CYFIP2: variants seen among roughly 807,000 people sequenced by gnomAD.
CYFIP2 encodes cytoplasmic FMR1-interacting protein 2.
Under a neutral mutation model 158.7 loss-of-function variants are expected in CYFIP2, and 29 were observed. The ratio of observed to expected loss-of-function variants is 0.18; its 90% CI spans 0.14 to 0.25. The LOEUF is 0.25. Ranked by LOEUF, CYFIP2 falls within the 10% of genes least tolerant of loss-of-function variation. The pLI, the probability that CYFIP2 is intolerant of heterozygous loss-of-function variation, is 1.00. For synonymous variants in CYFIP2, 585 were observed against 617.6 expected, an observed-to-expected ratio of 0.95 and a Z score of 0.78; for missense variants, 852 against 1,639.5, an observed-to-expected ratio of 0.52 and a Z score of 8.29.
chr5:157,345,826 G>A (rs1361414963), intron 23 of CYFIP2: 1 of 152,238 alleles, frequency 6.6e-6, no homozygotes, highest in African/African-American at 2.4e-5. Context: ...GCTGAAAAAG[G>A]GCAGATGATC....
At chr5:157,280,364 T>C (rs1756894379) in intron 1 of CYFIP2, among the ~76,000 whole-genome samples, 1 of 86,822 alleles carries the variant, frequency 1.2e-5, no homozygotes, top group Non-Finnish European at 2.2e-5. Context: ...GCCTGGCTAA[T>C]TTTTTTTTTT....
chr5:157,297,262 C>T (rs1159313408), intron 5 of CYFIP2, among the ~76,000 whole-genome samples: 2 of 152,178 alleles, frequency 1.3e-5, no homozygotes, highest in African/African-American at 4.8e-5. Flanking sequence ...AGAAATAAAA[C>T]GAAGTGCCTG....
In CYFIP2 at chr5:157,319,746, G is replaced by T. The variant is rs1760438833; in HGVS notation, c.1357-16G>T. 2 of 1,613,452 alleles carry T rather than the reference G, an allele frequency of 1.2e-6. No individual in the cohort carries two copies. The highest frequency in any genetic ancestry group is 1.3e-5 in the African/African-American group (1 of 75,034). The stretch of plus-strand genomic sequence containing the variant: ...CTGGACATGGTGAACATGACCCTTG[G>T]CCTCTTCCTGCCCAGGTGATCGCCA... On this transcript the variant is annotated splice_polypyrimidine_tract_variant and intron_variant, in intron 13 of 30. Transcript: ENST00000620254.
Position 157,339,285 on chromosome 5 carries a change from G to A in CYFIP2, c.2585+29G>A, listed in dbSNP as rs368382010. On this transcript the variant is annotated intron_variant, in intron 22 of 30. Coordinates refer to ENST00000620254, the MANE Select transcript of CYFIP2 (RefSeq NM_001037333.3). ...AGGGAGTCCCTGTGCAGAGGGGGCC[G>A]GGTGGGGGTTGGGGGAGTGGCCAGC... is the stretch of plus-strand genomic sequence containing the variant. 4.5e-5 allele frequency: 72 copies of A among 1,596,394 alleles called. No homozygotes were observed. The African/African-American group carries it at 6.0e-4, about 13-fold the overall frequency.
In CYFIP2 at chr5:157,395,278, TTTA is replaced by T. The variant is rs1767651199; in HGVS notation, c.*2281_*2283del. 1.4e-5 allele frequency: 4 copies of T among 279,952 alleles called. No individual in the cohort carries two copies. In the Admixed American group the frequency reaches 2.2e-4, roughly 15 times the overall value. The allele number at this position is 279,952 out of a possible 1,614,324, so 17.3% of individuals were successfully genotyped here. On this transcript the variant is annotated 3_prime_UTR_variant, in exon 31 of 31. Transcript: ENST00000620254. ...CTTGGCATTACTGCCCCAGCCTCTT[TTTA>T]TTTTTTTTGTGTGTGTCTAATAACC...
At chr5:157,282,572 A>T (rs1481310448) in intron 1 of CYFIP2, among the ~76,000 whole-genome samples, 6 of 152,192 alleles carry the variant, frequency 3.9e-5, no homozygotes, top group African/African-American at 1.2e-4. Context: ...CCTTGTGCAT[A>T]TATCTTTGTG....
intron 24 of CYFIP2, 97 bp from the exon 25 acceptor site, chr5:157,360,160 AAAGGGACTGTTCCCCGCCTTTAGGC>A (rs1213363785): frequency 1.4e-6 from 1 of 732,452 alleles, no homozygotes; most frequent in South Asian, 2.1e-5. Context: ...TATAAAGGTC[AAAGGGACTGTTCCCCGCCTTTAGGC>A]AAGAGCCTGC....
intron 15 of CYFIP2, among the ~76,000 whole-genome samples, chr5:157,321,258 T>G (rs1760569298): frequency 6.6e-6 from 1 of 152,244 alleles, no homozygotes; most frequent in Non-Finnish European, 1.5e-5. Context: ...TGTGTGATCT[T>G]GGGCAAGCAC....
At chr5:157,313,095 A>C (rs918134306) in intron 11 of CYFIP2, among the ~76,000 whole-genome samples, 3 of 152,222 alleles carry the variant, frequency 2.0e-5, no homozygotes, top group Non-Finnish European at 4.4e-5. Context: ...TATGCTCTAT[A>C]CATGTTGAGT....
At chr5:157,356,706 A>C (rs1763433862) in intron 23 of CYFIP2, among the ~76,000 whole-genome samples, 1 of 152,198 alleles carries the variant, frequency 6.6e-6, no homozygotes, top group Non-Finnish European at 1.5e-5. Context: ...TAACAGGGCA[A>C]AAACTAAGCT....
chr5:157,329,500 G>A (rs765481180), intron 19 of CYFIP2, among the ~76,000 whole-genome samples: 6 of 152,228 alleles, frequency 3.9e-5, no homozygotes, highest in Non-Finnish European at 7.3e-5. Flanking sequence ...AGAAAACCAT[G>A]AGCTAGGTCA....
At chr5:157,313,881 T>A (rs529033970) in intron 11 of CYFIP2, among the ~76,000 whole-genome samples, 1 of 152,290 alleles carries the variant, frequency 6.6e-6, no homozygotes, top group Non-Finnish European at 1.5e-5. Flanking sequence ...TATATAAATA[T>A]AGACTAGAAA....
At chr5:157,296,939 C>G (rs1758298326) in intron 5 of CYFIP2, among the ~76,000 whole-genome samples, 165 bp downstream of exon 5, 1 of 152,212 alleles carries the variant, frequency 6.6e-6, no homozygotes, top group South Asian at 2.1e-4. Flanking sequence ...GTCTCCCCAC[C>G]CTCGTGGAAT....
chr5:157,355,285 C>A (rs771819649), intron 23 of CYFIP2, among the ~76,000 whole-genome samples: 1 of 152,168 alleles, frequency 6.6e-6, no homozygotes, highest in South Asian at 2.1e-4. Context: ...ATCAGAGAAT[C>A]GTAGCTGTCG....
At chr5:157,323,156 G>A in intron 15 of CYFIP2, 1 of 823,306 alleles carries the variant, frequency 1.2e-6, no homozygotes, top group Non-Finnish European at 1.9e-6. Context: ...TTAGCAAAGA[G>A]AACCACCCCA....
chr5:157,302,827 C>A lies in CYFIP2; in HGVS notation c.603C>A (p.Pro201=). The A allele has an allele frequency of 6.3e-7, 1 of 1,586,518 alleles. No homozygotes were observed. Among genetic ancestry groups the A allele is most frequent in the Admixed American group, 1.8e-5 (1 of 55,880 alleles). ...AAQFLRKMAD[P]QSIQESQNLS... is the part of the protein sequence containing the mutation. ...AGTTCCTGCGGAAGATGGCAGATCC[C>A]CAGTCTATCCAGGAGTCGCAGAACC... The change falls in exon 7 of 31, where the codon CCC becomes CCA. Residue 201 remains proline (P), a synonymous_variant. Coordinates refer to ENST00000620254, the MANE Select transcript of CYFIP2 (RefSeq NM_001037333.3).
At chr5:157,377,528 C>T (rs1021388314) in intron 26 of CYFIP2, among the ~76,000 whole-genome samples, 16 of 152,222 alleles carry the variant, frequency 1.1e-4, no homozygotes, top group Admixed American at 9.2e-4. Flanking sequence ...AATTGTAGCA[C>T]TTACTAGAAT....
At chr5:157,292,209 T>C (rs1185364390) in intron 3 of CYFIP2, among the ~76,000 whole-genome samples, 2 of 152,136 alleles carry the variant, frequency 1.3e-5, no homozygotes, top group East Asian at 3.9e-4. Context: ...CTTTTTTCTT[T>C]TTTTATTTTT....
chr5:157,295,137 A>G (rs534543541), intron 4 of CYFIP2, among the ~76,000 whole-genome samples: 36 of 152,338 alleles, frequency 2.4e-4, no homozygotes, highest in Admixed American at 4.6e-4. Flanking sequence ...TGCAGAGGGT[A>G]TGAAGTAAAA....
Sources: allele counts gnomAD v4.1 joint callset (sites outside exome capture counted in the v4.1 genomes callset), GRCh38; gene constraint gnomAD v4.1.1; transcripts MANE v1.5; gene names NCBI Gene and HGNC (gene_info 2026-07-23, HGNC 2026-07-21).